Variants in KCNN3 observed in about 807,000 individuals in gnomAD.
KCNN3 encodes the protein potassium calcium-activated channel subfamily N member 3, also known as small conductance calcium-activated potassium channel protein 3.
A neutral mutation model predicts 62.9 loss-of-function variants in KCNN3; 16 were observed. The ratio of observed to expected loss-of-function variants is 0.25; its 90% CI spans 0.17 to 0.39. The LOEUF (loss-of-function observed/expected upper bound fraction) is 0.39. Ranked by LOEUF, KCNN3 falls within the 10% of genes least tolerant of loss-of-function variation. KCNN3 has a pLI of 1.00. For missense variants in KCNN3, 599 were observed against 949.4 expected (o/e 0.63, Z 4.85); for synonymous variants, 370 against 389.2 (o/e 0.95, Z 0.58).
At chr1:154,769,015 G>A (rs549755276) in intron 3 of KCNN3, among the ~76,000 whole-genome samples, 1 of 152,262 alleles carries the variant, frequency 6.6e-6, no homozygotes, top group African/African-American at 2.4e-5. Context: ...AACCAGTTCA[G>A]ATTTTGGCTC....
intron 2 of KCNN3, among the ~76,000 whole-genome samples, chr1:154,806,607 C>CTAAT (rs779022125): frequency 6.6e-6 from 1 of 152,102 alleles, no homozygotes; most frequent in South Asian, 2.1e-4. Flanking sequence ...TCATAAAGGC[C>CTAAT]TAATTAATAC....
At chr1:154,726,136 T>C in intron 4 of KCNN3, 110 bp from the exon 5 acceptor site, 5 of 761,620 alleles carry the variant, frequency 6.6e-6, no homozygotes, top group Non-Finnish European at 1.1e-5. Flanking sequence ...GGGAGTGGAG[T>C]GGGAACTTGA....
intron 1 of KCNN3, among the ~76,000 whole-genome samples, chr1:154,827,602 C>T (rs1016767757): frequency 2.0e-5 from 3 of 152,120 alleles, no homozygotes; most frequent in Non-Finnish European, 2.9e-5. Flanking sequence ...AGCTCAAGAC[C>T]GGCCTGGCCA....
chr1:154,763,717 T>C (rs1211208478), intron 3 of KCNN3, among the ~76,000 whole-genome samples: 1 of 152,242 alleles, frequency 6.6e-6, no homozygotes, highest in East Asian at 1.9e-4. Flanking sequence ...TAATTGGAGT[T>C]TTATAGGCTT....
rs183784667 is a variant in KCNN3 at position 154,744,978 on chromosome 1, A to C, written c.1449-11834T>G. ...TTTCTCAAAAACAATTTCCCTTATAAACATCTTAAAATGTAAAATAAATGG... is the reference window on the plus strand; with the variant it reads ...TTTCTCAAAAACAATTTCCCTTATACACATCTTAAAATGTAAAATAAATGG... On this transcript the variant is annotated intron_variant, in intron 3 of 7. Coordinates refer to ENST00000271915, the MANE Select transcript of KCNN3 (RefSeq NM_002249.6). Among the ~76,000 whole-genome samples the C allele has an allele frequency of 3.4e-3, 515 of 152,200 alleles. 4 individuals carry two copies. The highest frequency in any genetic ancestry group is 0.012 in the African/African-American group (490 of 41,520).
At chr1:154,800,491 C>A (rs1441838567) in intron 2 of KCNN3, among the ~76,000 whole-genome samples, 1 of 152,156 alleles carries the variant, frequency 6.6e-6, no homozygotes, top group South Asian at 2.1e-4. Flanking sequence ...GAGATGGGTG[C>A]TCAGGGCCGG....
rs533976740 is a variant in KCNN3 at position 154,714,748 on chromosome 1, G to A, written c.1829+128C>T. ...GGCTGGTGCAGTCAGTGAGTGATCA[G>A]ACCCAGTTCACCACTCCACTTGTTG... is the stretch of plus-strand genomic sequence containing the variant. On this transcript the variant is annotated intron_variant, in intron 6 of 7. Transcript: ENST00000271915. 6.4e-5 allele frequency: 83 copies of A among 1,306,734 alleles called. No individual in the cohort carries two copies. In the East Asian group the frequency reaches 1.6e-3, roughly 25 times the overall value. 80.9% of individuals were successfully genotyped at this position (1,306,734 alleles called of 1,614,324 possible). A position where few individuals can be genotyped will look rare whatever the true frequency, so the allele number is the denominator to read the frequency against.
intron 2 of KCNN3, among the ~76,000 whole-genome samples, chr1:154,783,414 G>A (rs1278234823): frequency 1.3e-5 from 2 of 152,110 alleles, no homozygotes; most frequent in African/African-American, 4.8e-5. Context: ...CTAAGACCAC[G>A]GCTTTCATTT....
intron 1 of KCNN3, among the ~76,000 whole-genome samples, chr1:154,829,662 C>G (rs1470073106): frequency 6.6e-6 from 1 of 152,162 alleles, no homozygotes; most frequent in Non-Finnish European, 1.5e-5. Context: ...TGACCTAGAC[C>G]CGAGAGCAGG....
intron 2 of KCNN3, among the ~76,000 whole-genome samples, chr1:154,806,089 A>G (rs537774828): frequency 2.6e-4 from 39 of 152,142 alleles, no homozygotes; most frequent in Non-Finnish European, 4.1e-4. Context: ...TCCAGACTCT[A>G]TTCATGAGAA....
chr1:154,781,143 T>A (rs75421411), intron 2 of KCNN3, among the ~76,000 whole-genome samples: 8,357 of 152,128 alleles, frequency 0.055, 270 homozygotes, highest in Non-Finnish European at 0.078. Context: ...GGTTATGGAG[T>A]CTGAAGTTTG....
In KCNN3 at chr1:154,702,851, G is replaced by A. The variant is rs958414976; in HGVS notation, c.*5125C>T. 2 of 150,336 alleles carry A rather than the reference G, an allele frequency of 1.3e-5. No homozygotes were observed. The highest frequency in any genetic ancestry group is 6.6e-5 in the Admixed American group (1 of 15,072). 9.3% of individuals were successfully genotyped at this position (150,336 alleles called of 1,614,324 possible). ...TTCCTCCACCAGCTTGGTTGGTCAC[G>A]ATGTGTCTCTTTTGCTTGTTTCAAC... is the stretch of plus-strand genomic sequence containing the variant. On this transcript the variant is annotated 3_prime_UTR_variant, in exon 8 of 8. Transcript: ENST00000271915.
rs115043378 is a variant in KCNN3 at position 154,824,197 on chromosome 1, A to G, written c.934-2013T>C. ...TTTCTACATTGCATGGGGTCGTCCA[A>G]CTATGGGAAAAGGTCTCCATTATTT... is the stretch of plus-strand genomic sequence containing the variant. On this transcript the variant is annotated intron_variant, in intron 1 of 7. Coordinates refer to ENST00000271915, the MANE Select transcript of KCNN3 (RefSeq NM_002249.6). 2.5e-3 allele frequency among the ~76,000 whole-genome samples: 385 copies of G among 152,330 alleles called. 2 individuals carry two copies. Among genetic ancestry groups the G allele is most frequent in the African/African-American group, 8.7e-3 (362 of 41,576 alleles).
At position 154,846,488 on chromosome 1, in the gene KCNN3, C is replaced by T. The variant is rs116122792; in HGVS notation, c.933+22544G>A. 5.7e-3 allele frequency among the ~76,000 whole-genome samples: 873 copies of T among 152,296 alleles called. 4 individuals carry two copies. The highest frequency in any genetic ancestry group is 7.7e-3 in the Non-Finnish European group (522 of 68,020). On this transcript the variant is annotated intron_variant, in intron 1 of 7. Coordinates refer to ENST00000271915, the MANE Select transcript of KCNN3 (RefSeq NM_002249.6). The stretch of plus-strand genomic sequence containing the variant: ...GGGAGGAGGAGTGTTTTATCACTGA[C>T]CTTGTTTAGAAGTGCCGGTACACAG...
chr1:154,818,187 C>T (rs149268132), intron 2 of KCNN3, among the ~76,000 whole-genome samples: 6 of 152,300 alleles, frequency 3.9e-5, no homozygotes, highest in African/African-American at 7.2e-5. Flanking sequence ...TGCTCCAAAA[C>T]GCCAACAGAG....
chr1:154,744,449 G>C (rs886396697), intron 3 of KCNN3, among the ~76,000 whole-genome samples: 23 of 152,226 alleles, frequency 1.5e-4, no homozygotes, highest in African/African-American at 5.5e-4. Flanking sequence ...GCTGGGCACA[G>C]GGTGGGGCGT....
intron 1 of KCNN3, among the ~76,000 whole-genome samples, chr1:154,832,799 C>T (rs147249470): frequency 1.1e-4 from 17 of 152,340 alleles, no homozygotes; most frequent in South Asian, 8.3e-4. Context: ...ACCAGCCTAG[C>T]TGGGCTTGTC....
At chr1:154,836,982 G>A (rs1651619040) in intron 1 of KCNN3, among the ~76,000 whole-genome samples, 1 of 152,224 alleles carries the variant, frequency 6.6e-6, no homozygotes, top group Non-Finnish European at 1.5e-5. Context: ...TCACTTCCCT[G>A]CAGGCCCCAT....
At chr1:154,765,305 T>C (rs1648208740) in intron 3 of KCNN3, among the ~76,000 whole-genome samples, 1 of 152,224 alleles carries the variant, frequency 6.6e-6, no homozygotes, top group African/African-American at 2.4e-5. Flanking sequence ...TTATCATTTC[T>C]TCCTCTGAAA....
Sources: gnomAD v4.1 joint callset for allele counts (sites outside exome capture counted in the v4.1 genomes callset) on GRCh38, gnomAD v4.1.1 for gene constraint, MANE v1.5 for transcripts, NCBI Gene and HGNC (gene_info 2026-07-23, HGNC 2026-07-21) for gene names.